Variants in ANKRD18A observed in about 807,000 individuals in gnomAD.
ANKRD18A encodes the protein ankyrin repeat domain 18A, also known as ankyrin repeat domain-containing protein 18A.
A neutral mutation model predicts 110.6 loss-of-function variants in ANKRD18A; 72 were observed. That is an observed-to-expected ratio of 0.65 (90% CI 0.54 to 0.79). The LOEUF (loss-of-function observed/expected upper bound fraction) is 0.79. Ranked by LOEUF, ANKRD18A falls within the 30% of genes least tolerant of loss-of-function variation. The pLI, the probability that ANKRD18A is intolerant of heterozygous loss-of-function variation, is 0.00. For missense variants in ANKRD18A, 934 were observed against 1,163.3 expected, an observed-to-expected ratio of 0.80 and a Z score of 2.87; for synonymous variants, 305 against 410.3, an observed-to-expected ratio of 0.74 and a Z score of 3.10.
chr9:38,587,814 T>C (rs1824449723), intron 11 of ANKRD18A, among the ~76,000 whole-genome samples: 1 of 152,142 alleles, frequency 6.6e-6, no homozygotes, highest in African/African-American at 2.4e-5. Flanking sequence ...CATTAAAGAA[T>C]ACGTTGCTAA....
intron 8 of ANKRD18A, among the ~76,000 whole-genome samples, chr9:38,597,246 C>T (rs1186103202): frequency 6.6e-6 from 1 of 152,158 alleles, no homozygotes. Context: ...TTTCCCTTTT[C>T]TGCACTAAGA....
chr9:38,572,162 A>C (rs1823674846), intron 15 of ANKRD18A, 103 bp from the exon 16 acceptor site: 1 of 821,466 alleles, frequency 1.2e-6, no homozygotes, highest in African/African-American at 1.8e-5. Context: ...AGTTAATAAG[A>C]ATGAGAAATA....
chr9:38,590,427 T>G (rs1824596101), intron 10 of ANKRD18A, among the ~76,000 whole-genome samples: 1 of 151,986 alleles, frequency 6.6e-6, no homozygotes, highest in Non-Finnish European at 1.5e-5. Context: ...AATTTTTGTA[T>G]TTTTAGTAGA....
chr9:38,612,369 A>G (rs1429534316), intron 3 of ANKRD18A, among the ~76,000 whole-genome samples: 6 of 152,184 alleles, frequency 3.9e-5, no homozygotes, highest in African/African-American at 1.4e-4. Context: ...TTCCATTTAA[A>G]TTGCTATTTA....
At chr9:38,606,000 A>G (rs1265980399) in intron 6 of ANKRD18A, among the ~76,000 whole-genome samples, 1 of 152,196 alleles carries the variant, frequency 6.6e-6, no homozygotes, top group Non-Finnish European at 1.5e-5. Flanking sequence ...TAAGAAGTGA[A>G]TATATCTCAT....
intron 6 of ANKRD18A, among the ~76,000 whole-genome samples, 192 bp downstream of exon 6, chr9:38,607,234 T>C (rs1825401654): frequency 6.6e-6 from 1 of 152,112 alleles, no homozygotes; most frequent in Admixed American, 6.5e-5. Context: ...TTTTTGTATT[T>C]TTAGTAGACA....
At chr9:38,573,796 A>T (rs1467077059) in intron 15 of ANKRD18A, among the ~76,000 whole-genome samples, 1 of 151,570 alleles carries the variant, frequency 6.6e-6, no homozygotes, top group Non-Finnish European at 1.5e-5. Flanking sequence ...TCTTAGCAAA[A>T]CTCTGTCCTT....
At chr9:38,607,616 C>T (rs530172495) in intron 5 of ANKRD18A, 123 bp from the exon 6 acceptor site, 58 of 631,488 alleles carry the variant, frequency 9.2e-5, no homozygotes, top group African/African-American at 8.4e-4. Context: ...ATCTAATGTC[C>T]GATACACTTT....
In ANKRD18A at chr9:38,596,066, C is replaced by G; in HGVS notation, c.1274G>C (p.Ser425Thr). ...LEAEVESLHS[S>T]LATAINEYNE... ...GTACTCATTTATAGCAGTGGCCAGG[C>G]TAGAATGGAGGGATTCAACTTCAGC... Residue 425 changes from serine (S) to threonine (T), a missense_variant, in exon 9 of 16, where the codon AGC (serine) becomes ACC (threonine). By Grantham distance (58) the Ser-to-Thr change is moderately conservative. Around this residue, in one of 4 missense-constraint regions of ANKRD18A, gnomAD observed 630 missense variants for 797.5 expected, o/e 0.79. Coordinates refer to ENST00000399703, the MANE Select transcript of ANKRD18A (RefSeq NM_147195.4). 2.6e-6 allele frequency: 4 copies of G among 1,551,404 alleles called. No homozygotes were observed. The highest frequency in any genetic ancestry group is 3.3e-4 in the Middle Eastern group (2 of 5,984).
rs1235072215 is a variant in ANKRD18A at position 38,620,218 on chromosome 9, T to C, written c.68A>G (p.Tyr23Cys). The C allele has an allele frequency of 1.9e-6, 3 of 1,552,030 alleles. No homozygotes were observed. The highest frequency in any genetic ancestry group is 1.4e-5 in the African/African-American group (1 of 73,198). Residue 23 changes from tyrosine to cysteine, a missense_variant, in exon 1 of 16, where the codon TAT becomes TGT. Around this residue, in one of 4 missense-constraint regions of ANKRD18A, gnomAD observed 630 missense variants for 797.5 expected, o/e 0.79. Transcript: ENST00000399703. ...CCGAATGTCGTAACCCGGACCCGCA[T>C]ACTCTTGGTCCATGGAGCTCAGGAG... ...QALLSSMDQE[Y>C]AGPGYDIRDW... is the part of the protein sequence containing the mutation.
At chr9:38,619,863 G>C (rs1339524879) in intron 1 of ANKRD18A, among the ~76,000 whole-genome samples, 2 of 152,176 alleles carry the variant, frequency 1.3e-5, no homozygotes, top group Non-Finnish European at 2.9e-5. Flanking sequence ...TGTTTTAAAC[G>C]TGGATATGCC....
intron 8 of ANKRD18A, among the ~76,000 whole-genome samples, chr9:38,599,837 T>A (rs1463931752): frequency 6.6e-6 from 1 of 152,156 alleles, no homozygotes; most frequent in East Asian, 1.9e-4. Context: ...TCAGTTCTGG[T>A]TCTTGAGACA....
At chr9:38,608,731 G>C (rs1173569963) in intron 5 of ANKRD18A, among the ~76,000 whole-genome samples, 2 of 145,410 alleles carry the variant, frequency 1.4e-5, no homozygotes, top group East Asian at 2.0e-4. Flanking sequence ...ATAATATATA[G>C]ATTATATAAT....
intron 12 of ANKRD18A, among the ~76,000 whole-genome samples, chr9:38,585,317 T>C (rs1179088803): frequency 2.0e-5 from 3 of 152,220 alleles, no homozygotes; most frequent in Admixed American, 6.5e-5. Context: ...GACAACAGAT[T>C]TTCTTTATCA....
chr9:38,571,635 A>T lies in ANKRD18A; in HGVS notation c.*410T>A. The T allele has an allele frequency of 9.9e-7, 1 of 1,012,880 alleles. No homozygotes were observed. Among genetic ancestry groups the T allele is most frequent in the Non-Finnish European group, 1.2e-6 (1 of 849,036 alleles). The allele number at this position is 1,012,880 out of a possible 1,614,324, so 62.7% of individuals were successfully genotyped here. A position where few individuals can be genotyped will look rare whatever the true frequency, so the allele number is the denominator to read the frequency against. Reference sequence around the variant, plus strand: ...AAGTCTCCTACTACATATGGTAATAAAAACTGTAAAATGCAAAGAAGCCCT... The same window carrying T: ...AAGTCTCCTACTACATATGGTAATATAAACTGTAAAATGCAAAGAAGCCCT... On this transcript the variant is annotated 3_prime_UTR_variant, in exon 16 of 16. Transcript: ENST00000399703.
intron 10 of ANKRD18A, among the ~76,000 whole-genome samples, chr9:38,589,181 A>T (rs1037601928): frequency 6.6e-6 from 1 of 152,104 alleles, no homozygotes; most frequent in Non-Finnish European, 1.5e-5. Context: ...TCTATTAACC[A>T]TTTCTCTTTA....
chr9:38,598,805 GC>G (rs1370291894), intron 8 of ANKRD18A, among the ~76,000 whole-genome samples: 1 of 152,238 alleles, frequency 6.6e-6, no homozygotes, highest in East Asian at 1.9e-4. Context: ...TGTGGAACAA[GC>G]GCTGTATTGG....
downstream of ANKRD18A, chr9:38,568,619 A>C: frequency 1.4e-6 from 1 of 714,840 alleles, no homozygotes; most frequent in Non-Finnish European, 1.7e-6. Context: ...TGCTCCAGGC[A>C]CACCCTTGCA....
At chr9:38,618,121 T>C (rs1825933037) in intron 1 of ANKRD18A, among the ~76,000 whole-genome samples, 2 of 152,144 alleles carry the variant, frequency 1.3e-5, no homozygotes, top group African/African-American at 2.4e-5. Context: ...ATAATAATGA[T>C]AAAAAATAGT....
Sources: gnomAD v4.1 joint callset for allele counts (sites outside exome capture counted in the v4.1 genomes callset) on GRCh38, gnomAD v4.1.1 for gene constraint, gnomAD v4.1.1 regional missense constraint, MANE v1.5 for transcripts, NCBI Gene and HGNC (gene_info 2026-07-23, HGNC 2026-07-21) for gene names.